Variants in MID1 observed in about 807,000 individuals in gnomAD.
The protein encoded by MID1 is E3 ubiquitin-protein ligase Midline-1.
In MID1, 7 loss-of-function variants were observed where a neutral mutation model predicts 40.4. The ratio of observed to expected loss-of-function variants is 0.17; its 90% CI spans 0.10 to 0.33. MID1 has a LOEUF of 0.33. MID1 is among the 10% of genes least tolerant of loss of function. The probability of loss-of-function intolerance (pLI) is 1.00; values close to 1 mark genes in which losing one functional copy is unlikely to be tolerated. For synonymous variants in MID1, 229 were observed against 221.2 expected (o/e 1.04, Z -0.31); for missense variants, 367 against 558.5 (o/e 0.66, Z 3.46).
intron 1 of MID1, among the ~76,000 whole-genome samples, chrX:10,602,262 T>A (rs1170175847): frequency 9.4e-6 from 1 of 105,837 alleles, no homozygotes; most frequent in African/African-American, 3.7e-5. Context: ...TGACCACTTT[T>A]AAAAAAATTT....
intron 1 of MID1, among the ~76,000 whole-genome samples, chrX:10,781,686 G>A (rs1464874627): frequency 8.9e-6 from 1 of 111,989 alleles, no homozygotes; most frequent in African/African-American, 3.2e-5. Flanking sequence ...GTGGTATTTA[G>A]GATGATCTTT....
intron 1 of MID1, among the ~76,000 whole-genome samples, chrX:10,730,136 T>C (rs1167220759): frequency 5.5e-5 from 6 of 109,730 alleles, no homozygotes; most frequent in Admixed American, 1.9e-4. Flanking sequence ...AAAATTCTTA[T>C]ATTTTACAGT....
At chrX:10,820,312 C>T (rs985376485) in intron 1 of MID1, among the ~76,000 whole-genome samples, 1 of 111,955 alleles carries the variant, frequency 8.9e-6, no homozygotes, top group Admixed American at 9.5e-5. Flanking sequence ...GAGCAAACAA[C>T]AGCAGTCTTA....
chrX:10,718,203 G>C (rs1423198926), intron 1 of MID1, among the ~76,000 whole-genome samples: 1 of 111,731 alleles, frequency 9.0e-6, no homozygotes, highest in Non-Finnish European at 1.9e-5. Flanking sequence ...GATCAGAGCA[G>C]AACAGAAAGA....
chrX:10,450,471 C>T (rs1454526898), intron 9 of MID1, among the ~76,000 whole-genome samples: 1 of 111,539 alleles, frequency 9.0e-6, no homozygotes, highest in Non-Finnish European at 1.9e-5. Flanking sequence ...ATGTTAAGTC[C>T]CAGGCACAGG....
chrX:10,810,696 CTGTGTGTGTG>C (rs370482398), intron 1 of MID1, among the ~76,000 whole-genome samples: 1 of 101,103 alleles, frequency 9.9e-6, no homozygotes, highest in Admixed American at 1.1e-4. Context: ...GTTGTTTTCT[CTGTGTGTGTG>C]TGTGTGTGTG....
At chrX:10,662,971 A>T (rs1450059543) in intron 1 of MID1, among the ~76,000 whole-genome samples, 1 of 112,076 alleles carries the variant, frequency 8.9e-6, no homozygotes, top group Non-Finnish European at 1.9e-5. Flanking sequence ...AATATCTGAA[A>T]CAGTGCATGT....
chrX:10,803,094 G>T (rs902492419), intron 1 of MID1, among the ~76,000 whole-genome samples: 8 of 110,117 alleles, frequency 7.3e-5, no homozygotes, highest in Non-Finnish European at 1.5e-4. Flanking sequence ...CTATCTGAAT[G>T]ATGGGATCAT....
intron 1 of MID1, among the ~76,000 whole-genome samples, chrX:10,808,972 T>C (rs1279949660): frequency 9.0e-6 from 1 of 111,441 alleles, no homozygotes; most frequent in African/African-American, 3.3e-5. Context: ...AAAGAAACTA[T>C]CATCAGAGTG....
chrX:10,501,241 G>A (rs1050918932), intron 3 of MID1, among the ~76,000 whole-genome samples: 7 of 111,177 alleles, frequency 6.3e-5, no homozygotes, highest in Non-Finnish European at 1.3e-4. Context: ...CCCAGGAGTC[G>A]GAGGTTACAG....
intron 2 of MID1, among the ~76,000 whole-genome samples, chrX:10,554,789 C>CA (rs1444843194): frequency 9.0e-6 from 1 of 111,349 alleles, no homozygotes; most frequent in Non-Finnish European, 1.9e-5. Context: ...AGGCCATACT[C>CA]AGTGTGTGAG....
In MID1 at chrX:10,524,327, C is replaced by T. The variant is rs190393716; in HGVS notation, c.661-1140G>A. ...CCAGGGGTGTCCAATCTTTTGGCTT[C>T]CCTGGGCCATGCTGGAAGAAGAACT... On this transcript the variant is annotated intron_variant, in intron 2 of 9. Coordinates refer to ENST00000317552, the MANE Select transcript of MID1 (RefSeq NM_000381.4). Among the ~76,000 whole-genome samples the T allele has an allele frequency of 5.9e-3, 653 of 111,595 alleles. 1 individual carries two copies. The highest frequency in any genetic ancestry group is 0.014 in the Middle Eastern group (3 of 218).
chrX:10,705,523 A>T (rs1326440133), intron 1 of MID1, among the ~76,000 whole-genome samples: 1 of 111,962 alleles, frequency 8.9e-6, no homozygotes, highest in Non-Finnish European at 1.9e-5. Flanking sequence ...CGCATCTTTA[A>T]CTCTGTGCCT....
At chrX:10,564,342 A>G (rs944682505) in intron 2 of MID1, among the ~76,000 whole-genome samples, 2 of 112,524 alleles carry the variant, frequency 1.8e-5, no homozygotes, top group African/African-American at 3.2e-5. Flanking sequence ...GTTCATAAGT[A>G]TGCGATAACT....
chrX:10,529,748 C>A (rs1489695391), intron 2 of MID1, among the ~76,000 whole-genome samples: 1 of 111,570 alleles, frequency 9.0e-6, no homozygotes, highest in African/African-American at 3.3e-5. Flanking sequence ...ATTCTACCAG[C>A]AAAAAGAGAG....
At position 10,627,881 on chromosome X, in the gene MID1, CA is replaced by C. The variant is rs74531983; in HGVS notation, c.-186-7463del. On this transcript the variant is annotated intron_variant, in intron 1 of 10. Transcript: ENST00000380785. Reference sequence around the variant, plus strand: ...GAACAGGATTTGCGCTCCTTGCTTACAAAAAGTCAATGCTTTATCTTTTAGA... The same window carrying C: ...GAACAGGATTTGCGCTCCTTGCTTACAAAAGTCAATGCTTTATCTTTTAGA... 5.8e-4 allele frequency among the ~76,000 whole-genome samples: 65 copies of C among 111,789 alleles called. No homozygotes were observed. In the East Asian group the frequency reaches 0.018, roughly 31 times the overall value.
At chrX:10,614,489 T>C (rs961033701) in intron 1 of MID1, among the ~76,000 whole-genome samples, 3 of 112,159 alleles carry the variant, frequency 2.7e-5, no homozygotes, top group African/African-American at 9.7e-5. Flanking sequence ...CAGGCTCCAC[T>C]GCTTGAAATT....
At chrX:10,505,315 G>C (rs995704435) in intron 3 of MID1, 120 of 742,735 alleles carry the variant, frequency 1.6e-4, no homozygotes, top group Non-Finnish European at 1.8e-4. Context: ...TTATATTCTT[G>C]GCATCAATAT....
intron 1 of MID1, among the ~76,000 whole-genome samples, chrX:10,702,629 C>T (rs976949264): frequency 1.8e-5 from 2 of 112,349 alleles, no homozygotes; most frequent in African/African-American, 6.5e-5. Context: ...TGCACCAATA[C>T]AAATTATTTT....
Sources: gnomAD v4.1 joint callset for allele counts (sites outside exome capture counted in the v4.1 genomes callset) on GRCh38, gnomAD v4.1.1 for gene constraint, MANE v1.5 for transcripts, NCBI Gene and HGNC (gene_info 2026-07-23, HGNC 2026-07-21) for gene names.